PARD3: variants seen among roughly 807,000 people sequenced by gnomAD.
PARD3 encodes the protein partitioning defective 3 homolog.
A neutral mutation model predicts 155.4 loss-of-function variants in PARD3; 75 were observed. The ratio of observed to expected loss-of-function variants is 0.48; its 90% CI spans 0.40 to 0.58. The LOEUF (loss-of-function observed/expected upper bound fraction) is 0.58. Among genes scored for constraint, PARD3 ranks in the 20% least tolerant of loss-of-function variants. The pLI is 0.00. For synonymous variants in PARD3, 576 were observed against 610.5 expected (o/e 0.94, Z 0.83); for missense variants, 1,642 against 1,721.7 (o/e 0.95, Z 0.82).
chr10:34,401,712 C>G (rs1387022561), intron 6 of PARD3, 114 bp downstream of exon 6: 23 of 766,328 alleles, frequency 3.0e-5, no homozygotes, highest in Non-Finnish European at 5.5e-5. Flanking sequence ...CAATGCACGG[C>G]ATGTTTTTAA....
At chr10:34,183,333 A>T (rs1950347715) in intron 22 of PARD3, among the ~76,000 whole-genome samples, 1 of 152,198 alleles carries the variant, frequency 6.6e-6, no homozygotes, top group Admixed American at 6.5e-5. Context: ...GGCTCGGGTG[A>T]TCCTCCTAAT....
intron 15 of PARD3, among the ~76,000 whole-genome samples, chr10:34,342,267 C>T (rs748573435): frequency 3.3e-5 from 5 of 152,160 alleles, no homozygotes; most frequent in Non-Finnish European, 7.3e-5. Context: ...CCTTAAAGGA[C>T]GTATGCCCTA....
At chr10:34,652,001 T>C (rs115109308) in intron 2 of PARD3, among the ~76,000 whole-genome samples, 2,603 of 152,248 alleles carry the variant, frequency 0.017, 72 homozygotes, top group African/African-American at 0.06. Flanking sequence ...CCACTGTCAG[T>C]CGCAGCATCT....
chr10:34,170,635 T>C (rs1173759740), intron 22 of PARD3, among the ~76,000 whole-genome samples: 2 of 152,060 alleles, frequency 1.3e-5, no homozygotes, highest in Non-Finnish European at 2.9e-5. Context: ...AGACAGACAC[T>C]GGGTTGATCC....
intron 4 of PARD3, among the ~76,000 whole-genome samples, chr10:34,454,354 A>G (rs896851050): frequency 3.9e-5 from 6 of 152,100 alleles, no homozygotes; most frequent in African/African-American, 1.4e-4. Context: ...TCTACAACAC[A>G]ATTTATACTA....
intron 22 of PARD3, among the ~76,000 whole-genome samples, chr10:34,216,319 A>G (rs1487642669): frequency 6.6e-6 from 1 of 152,220 alleles, no homozygotes; most frequent in East Asian, 1.9e-4. Flanking sequence ...ATCTCTTTGG[A>G]AATTTTATAA....
At chr10:34,761,575 T>C (rs1475153461) in intron 1 of PARD3, among the ~76,000 whole-genome samples, 1 of 152,230 alleles carries the variant, frequency 6.6e-6, no homozygotes, top group Non-Finnish European at 1.5e-5. Flanking sequence ...AGTTATAAAA[T>C]TCCTGGGAGA....
chr10:34,672,095 G>C (rs1186807742), intron 2 of PARD3, among the ~76,000 whole-genome samples: 1 of 152,020 alleles, frequency 6.6e-6, no homozygotes, highest in East Asian at 1.9e-4. Context: ...CCGAGCCCAG[G>C]AGTTCGAGGC....
At chr10:34,256,792 T>G (rs927553785) in intron 22 of PARD3, among the ~76,000 whole-genome samples, 4 of 145,324 alleles carry the variant, frequency 2.8e-5, no homozygotes, top group African/African-American at 9.7e-5. Flanking sequence ...ACAATCTACA[T>G]TAATTCACTC....
rs57588434 is a variant in PARD3, at chr10:34,490,390, C to CAGAG, written c.404-20131_404-20128dup. The stretch of plus-strand genomic sequence containing the variant: ...GGTACATTGAAGGAAGGGCACATTA[C>CAGAG]AGAGAGAGAGAGAGAGAGACAGAGG... On this transcript the variant is annotated intron_variant, in intron 3 of 24. Transcript: ENST00000374788. 8.5e-4 allele frequency among the ~76,000 whole-genome samples: 128 copies of CAGAG among 149,738 alleles called. 1 individual carries two copies. Among genetic ancestry groups the CAGAG allele is most frequent in the South Asian group, 7.8e-3 (37 of 4,742 alleles).
intron 2 of PARD3, among the ~76,000 whole-genome samples, chr10:34,597,368 C>G (rs1489613723): frequency 6.6e-6 from 1 of 151,396 alleles, no homozygotes; most frequent in African/African-American, 2.4e-5. Flanking sequence ...CAATCATCAC[C>G]AATAAGTTTT....
At chr10:34,372,884 T>C (rs933128224) in intron 11 of PARD3, among the ~76,000 whole-genome samples, 1 of 152,094 alleles carries the variant, frequency 6.6e-6, no homozygotes, top group African/African-American at 2.4e-5. Flanking sequence ...CAAATCAAAG[T>C]TTTAAGGTAT....
chr10:34,469,515 T>C (rs2078217941), intron 4 of PARD3, among the ~76,000 whole-genome samples: 1 of 152,210 alleles, frequency 6.6e-6, no homozygotes, highest in Non-Finnish European at 1.5e-5. Context: ...AAGAAAGTAT[T>C]ATGAAGACTA....
At chr10:34,163,859 A>C (rs1434133468) in intron 22 of PARD3, among the ~76,000 whole-genome samples, 1 of 152,220 alleles carries the variant, frequency 6.6e-6, no homozygotes, top group African/African-American at 2.4e-5. Context: ...AATGAGTAAC[A>C]TTAATACTCT....
chr10:34,645,834 C>T (rs992203119), intron 2 of PARD3, among the ~76,000 whole-genome samples: 1 of 152,166 alleles, frequency 6.6e-6, no homozygotes, highest in African/African-American at 2.4e-5. Context: ...ATTATTAAAA[C>T]GTGTTACTAT....
intron 20 of PARD3, among the ~76,000 whole-genome samples, chr10:34,296,228 G>A (rs1164056365): frequency 6.6e-6 from 1 of 152,124 alleles, no homozygotes; most frequent in East Asian, 1.9e-4. Flanking sequence ...ATTAGCCTTT[G>A]CACAAAGAAC....
intron 22 of PARD3, 104 bp downstream of exon 22, chr10:34,269,539 TAAAGGCCATTAATA>T: frequency 2.7e-6 from 3 of 1,100,810 alleles, no homozygotes; most frequent in Non-Finnish European, 4.0e-6. Flanking sequence ...AACAGCTTTT[TAAAGGCCATTAATA>T]AAAGGCAATT....
chr10:34,587,121 A>T (rs2088144854), intron 2 of PARD3, among the ~76,000 whole-genome samples: 1 of 151,910 alleles, frequency 6.6e-6, no homozygotes, highest in Non-Finnish European at 1.5e-5. Context: ...TATTTTTTTT[A>T]TTGTGTTTTT....
At chr10:34,363,056 T>C (rs956755706) in intron 12 of PARD3, among the ~76,000 whole-genome samples, 9 of 152,244 alleles carry the variant, frequency 5.9e-5, no homozygotes, top group Non-Finnish European at 1.0e-4. Flanking sequence ...CTAAGTCTCA[T>C]CACTCACTAT....
Sources: allele counts gnomAD v4.1 joint callset (sites outside exome capture counted in the v4.1 genomes callset), GRCh38; gene constraint gnomAD v4.1.1; transcripts MANE v1.5; gene names NCBI Gene and HGNC (gene_info 2026-07-23, HGNC 2026-07-21).